The following CHMP7 variants were observed in gnomAD, a reference collection of about 807,000 sequenced individuals.
The protein encoded by CHMP7 is CHMP family, member 7.
In CHMP7, 15 loss-of-function variants were observed where a neutral mutation model predicts 53.7. The ratio of observed to expected loss-of-function variants is 0.28; its 90% CI spans 0.19 to 0.43. The LOEUF (loss-of-function observed/expected upper bound fraction) is 0.43, where lower values mean the gene tolerates loss of function less well. Ranked by LOEUF, CHMP7 falls within the 20% of genes least tolerant of loss-of-function variation. CHMP7 has a pLI of 1.00. For missense variants in CHMP7, 527 were observed against 569.4 expected, an observed-to-expected ratio of 0.93 and a Z score of 0.76; for synonymous variants, 261 against 228.0, an observed-to-expected ratio of 1.14 and a Z score of -1.30.
chr8:23,252,243 T>C (rs1801962190), intron 3 of CHMP7: 1 of 132,612 alleles, frequency 7.5e-6, no homozygotes, highest in South Asian at 2.6e-4. Context: ...TGGAGTGCAG[T>C]GGCACGATCT....
At chr8:23,256,771 G>GA (rs1326561841) in intron 5 of CHMP7, 178 bp downstream of exon 5, 86 of 181,740 alleles carry the variant, frequency 4.7e-4, no homozygotes, top group Non-Finnish European at 5.9e-4. Context: ...TCACAAAAGA[G>GA]AAAAAAAAAT....
At chr8:23,250,390 G>A (rs546664414) in intron 3 of CHMP7, among the ~76,000 whole-genome samples, 57 of 152,138 alleles carry the variant, frequency 3.7e-4, no homozygotes, top group Admixed American at 1.4e-3. Flanking sequence ...CTGGCCTCTT[G>A]CCTGGTATGT....
intron 1 of CHMP7, 76 bp downstream of exon 1, chr8:23,243,920 C>T (rs184190888): frequency 6.6e-6 from 1 of 152,214 alleles, no homozygotes; most frequent in African/African-American, 2.4e-5. Flanking sequence ...TTATCATATA[C>T]TTATTTGCCG....
At chr8:23,257,180 T>C (rs979240971) in intron 5 of CHMP7, among the ~76,000 whole-genome samples, 19 of 150,018 alleles carry the variant, frequency 1.3e-4, no homozygotes, top group African/African-American at 4.4e-4. Flanking sequence ...CTCACTGCAG[T>C]CTAACTCCTG....
At chr8:23,253,214 C>T (rs773694390) in intron 3 of CHMP7, among the ~76,000 whole-genome samples, 1 of 152,214 alleles carries the variant, frequency 6.6e-6, no homozygotes, top group Non-Finnish European at 1.5e-5. Context: ...CCTGCTGTCT[C>T]CTTTGAGTTT....
chr8:23,258,205 C>T (rs951699572), intron 6 of CHMP7, 124 bp downstream of exon 6: 34 of 1,475,084 alleles, frequency 2.3e-5, no homozygotes, highest in Non-Finnish European at 3.2e-5. Flanking sequence ...GGCCCAGGCA[C>T]CACAGCTTAT....
At chr8:23,259,963 G>GA (rs1187153825) in intron 9 of CHMP7, 181 bp from the exon 10 acceptor site, 1 of 593,748 alleles carries the variant, frequency 1.7e-6, no homozygotes, top group Non-Finnish European at 3.0e-6. Flanking sequence ...ACTTAGCTTG[G>GA]AGTGTGGAAG....
intron 2 of CHMP7, among the ~76,000 whole-genome samples, chr8:23,247,339 TG>T (rs936801267): frequency 2.0e-5 from 3 of 152,148 alleles, no homozygotes; most frequent in Admixed American, 6.6e-5. Flanking sequence ...GAATGGCCCG[TG>T]GAGCAGAAGG....
chr8:23,256,690 G>T (rs138230133), intron 5 of CHMP7, 97 bp downstream of exon 5: 104 of 589,058 alleles, frequency 1.8e-4, no homozygotes, highest in South Asian at 2.7e-4. Context: ...AAATAGGTGG[G>T]TTTTTTTTTT....
In CHMP7 at chr8:23,260,636, C is replaced by A. The variant is rs202175640; in HGVS notation, c.*37C>A. ...GAAGGACCCTCATGTAAAAGAGAGA[C>A]CAGGCTTGCTGGGTGTGTACATAGT... On this transcript the variant is annotated 3_prime_UTR_variant, in exon 11 of 11. Coordinates refer to ENST00000397677, the MANE Select transcript of CHMP7 (RefSeq NM_152272.5). 2.0e-6 allele frequency: 3 copies of A among 1,513,274 alleles called. No homozygotes were observed. The highest frequency in any genetic ancestry group is 2.7e-5 in the African/African-American group (2 of 72,992). 93.7% of individuals were successfully genotyped at this position (1,513,274 alleles called of 1,614,324 possible).
chr8:23,251,410 T>C (rs1404971955), intron 3 of CHMP7, among the ~76,000 whole-genome samples: 4 of 152,222 alleles, frequency 2.6e-5, no homozygotes, highest in Non-Finnish European at 5.9e-5. Context: ...CGTGAGTGTG[T>C]ATGTTTACAG....
At chr8:23,255,130 G>C in intron 3 of CHMP7, 117 bp from the exon 4 acceptor site, 2 of 984,560 alleles carry the variant, frequency 2.0e-6, no homozygotes, top group South Asian at 2.8e-5. Context: ...GGGGAGGATG[G>C]GGTTGGGATT....
At position 23,246,737 on chromosome 8, in the gene CHMP7, A is replaced by G. The variant is rs375262054; in HGVS notation, c.42A>G (p.Gly14=). Residue 14 remains glycine (G), a synonymous_variant, in exon 2 of 11, where the codon GGA becomes GGG. Coordinates refer to ENST00000397677, the MANE Select transcript of CHMP7 (RefSeq NM_152272.5). ...PEREAEAPAG[G]DPAGLLPPEW... is the part of the protein sequence containing the mutation. ...GGGAGGCCGAGGCCCCAGCCGGGGG[A>G]GACCCGGCGGGCCTTCTGCCCCCCG... 4,555 of 1,551,070 alleles carry G rather than the reference A, an allele frequency of 2.9e-3. 22 individuals are homozygous for G. Among genetic ancestry groups the G allele is most frequent in the Middle Eastern group, 9.1e-3 (45 of 4,966 alleles).
chr8:23,256,570 G>T lies in CHMP7; in HGVS notation c.768G>T (p.Glu256Asp). 6.2e-7 allele frequency: 1 copy of T among 1,614,020 alleles called. No homozygotes were observed. Among genetic ancestry groups the T allele is most frequent in the Non-Finnish European group, 8.5e-7 (1 of 1,179,940 alleles). ...AACAGCTTCTCTCACGCAAAGTGGA[G>T]TCCTTATCCCAGGAAGCAGAGAGGT... ...QSEQLLSRKV[E>D]SLSQEAERCK... The change falls in exon 5 of 11, where the codon GAG becomes GAT. Residue 256 changes from glutamate (E) to aspartate (D), a missense_variant. Physicochemically the swap from Glu to Asp is conservative, Grantham distance 45 (BLOSUM62 2). Coordinates refer to ENST00000397677, the MANE Select transcript of CHMP7 (RefSeq NM_152272.5).
chr8:23,249,103 G>A (rs748252302), intron 2 of CHMP7, 107 bp from the exon 3 acceptor site: 12 of 937,418 alleles, frequency 1.3e-5, no homozygotes, highest in Admixed American at 2.8e-5. Context: ...ACAAATGGTC[G>A]TGATGATAAT....
chr8:23,245,412 G>A (rs1176553089), intron 1 of CHMP7, among the ~76,000 whole-genome samples: 1 of 152,154 alleles, frequency 6.6e-6, no homozygotes, highest in Non-Finnish European at 1.5e-5. Flanking sequence ...TTAGTCTGTT[G>A]GTGGATTATA....
chr8:23,259,877 A>G (rs1802311920), intron 9 of CHMP7: 5 of 412,572 alleles, frequency 1.2e-5, no homozygotes, highest in African/African-American at 1.0e-4. Flanking sequence ...AAGGCTTCTG[A>G]CTGGAGGATC....
chr8:23,250,218 T>C (rs767539389), intron 3 of CHMP7, among the ~76,000 whole-genome samples: 2 of 152,162 alleles, frequency 1.3e-5, no homozygotes, highest in Non-Finnish European at 2.9e-5. Flanking sequence ...ACTGAGAAAG[T>C]AGACTCAGCA....
Position 23,258,809 on chromosome 8 carries a change from C to T in CHMP7, c.1038C>T (p.Ser346=), listed in dbSNP as rs573949335. The change falls in exon 8 of 11, where the codon AGC becomes AGT. Residue 346 remains serine, a synonymous_variant. Coordinates refer to ENST00000397677, the MANE Select transcript of CHMP7 (RefSeq NM_152272.5). ...ATGTCACAGTGGAGAAGGCAGAGAG[C>T]CTCGTGGATCAGATCCAAGAGGTAC... ...MKDVTVEKAE[S]LVDQIQELCD... The T allele has an allele frequency of 6.2e-7, 1 of 1,611,616 alleles. No individual in the cohort carries two copies. Among genetic ancestry groups the T allele is most frequent in the Admixed American group, 1.7e-5 (1 of 59,924 alleles).
Sources: allele counts gnomAD v4.1 joint callset (sites outside exome capture counted in the v4.1 genomes callset), GRCh38; gene constraint gnomAD v4.1.1; transcripts MANE v1.5; gene names NCBI Gene and HGNC (gene_info 2026-07-23, HGNC 2026-07-21).